RPGRIP1L: variants seen among roughly 807,000 people sequenced by gnomAD.
RPGRIP1L encodes RPGRIP1 like.
A neutral mutation model predicts 160.4 loss-of-function variants in RPGRIP1L; 131 were observed. The ratio of observed to expected loss-of-function variants is 0.82; its 90% CI spans 0.71 to 0.94. The LOEUF (loss-of-function observed/expected upper bound fraction) is 0.94. Ranked by LOEUF, RPGRIP1L falls within the 40% of genes least tolerant of loss-of-function variation. RPGRIP1L has a pLI of 0.00. For missense variants in RPGRIP1L, 1,522 were observed against 1,535.8 expected, an observed-to-expected ratio of 0.99 and a Z score of 0.15; for synonymous variants, 510 against 515.8, an observed-to-expected ratio of 0.99 and a Z score of 0.15.
At chr16:53,695,203 C>A (rs898865432) in intron 3 of RPGRIP1L, 14 of 614,628 alleles carry the variant, frequency 2.3e-5, no homozygotes, top group Non-Finnish European at 2.6e-5. Context: ...TAGCAGACTA[C>A]ATGCCTCATT....
At chr16:53,617,684 A>G (rs935552706) in intron 24 of RPGRIP1L, among the ~76,000 whole-genome samples, 2 of 152,216 alleles carry the variant, frequency 1.3e-5, no homozygotes, top group Non-Finnish European at 2.9e-5. Flanking sequence ...CTTAGTTCAC[A>G]TAACAGTAAA....
intron 24 of RPGRIP1L, among the ~76,000 whole-genome samples, chr16:53,617,673 C>CCTTA (rs1233470606): frequency 6.6e-6 from 1 of 152,052 alleles, no homozygotes; most frequent in Non-Finnish European, 1.5e-5. Context: ...AAACATCTTG[C>CCTTA]CTTAGTTCAC....
intron 25 of RPGRIP1L, among the ~76,000 whole-genome samples, chr16:53,607,217 A>G (rs1477095): frequency 0.99 from 151,501 of 152,298 alleles, 75,359 homozygotes; most frequent in Middle Eastern, 1. Flanking sequence ...GCTCTTGTGA[A>G]GATCAAATGA....
In RPGRIP1L at chr16:53,619,166, T is replaced by C. The variant is rs774549370; in HGVS notation, c.3475A>G (p.Asn1159Asp). ...IRIEIIALSL[N>D]DSQVTMDDTI... The stretch of plus-strand genomic sequence containing the variant: ...TCATCCATGGTTACTTGAGAATCAT[T>C]AAGGCTTAGAGCTATGATCTCAATC... Residue 1159 changes from asparagine (N) to aspartate (D), a missense_variant, in exon 24 of 27, where the codon AAT (asparagine) becomes GAT (aspartate). By Grantham distance (23) the Asn-to-Asp change is conservative. Coordinates refer to ENST00000647211, the MANE Select transcript of RPGRIP1L (RefSeq NM_015272.5). The C allele has an allele frequency of 3.7e-6, 6 of 1,613,978 alleles. No individual in the cohort carries two copies. Among genetic ancestry groups the C allele is most frequent in the Non-Finnish European group, 4.2e-6 (5 of 1,180,034 alleles).
Position 53,652,991 on chromosome 16 carries a change from C to T in RPGRIP1L, c.1700-4G>A, listed in dbSNP as rs1966916853. On this transcript the variant is annotated splice_region_variant and splice_polypyrimidine_tract_variant and intron_variant, in intron 14 of 26. Coordinates refer to ENST00000647211, the MANE Select transcript of RPGRIP1L (RefSeq NM_015272.5). ...TAGGCAATATCCTTTAATTGGGCTGCAAGAGAAGACACACAGTTTAGAGAT... is the reference window on the plus strand; with the variant it reads ...TAGGCAATATCCTTTAATTGGGCTGTAAGAGAAGACACACAGTTTAGAGAT... 1 of 1,605,322 alleles carries T rather than the reference C, an allele frequency of 6.2e-7. No individual in the cohort carries two copies. The highest frequency in any genetic ancestry group is 8.5e-7 in the Non-Finnish European group (1 of 1,173,396).
chr16:53,666,392 A>T (rs1161783987), intron 9 of RPGRIP1L, among the ~76,000 whole-genome samples: 1 of 152,154 alleles, frequency 6.6e-6, no homozygotes, highest in Non-Finnish European at 1.5e-5. Flanking sequence ...TGATTTTATC[A>T]AAGGTACAAT....
chr16:53,636,941 GACACACACACACACACACACACAC>G (rs34373919), intron 21 of RPGRIP1L, among the ~76,000 whole-genome samples: 1 of 142,122 alleles, frequency 7.0e-6, no homozygotes, highest in African/African-American at 2.6e-5. Context: ...TGCAATATTT[GACACACACACACACACACACACAC>G]ACACACACAC....
chr16:53,618,450 G>T (rs1257099098), intron 24 of RPGRIP1L, among the ~76,000 whole-genome samples: 1 of 152,152 alleles, frequency 6.6e-6, no homozygotes, highest in Non-Finnish European at 1.5e-5. Context: ...TATAGACCTA[G>T]CTGACATTTT....
At chr16:53,610,095 A>G (rs1963931032) in intron 25 of RPGRIP1L, among the ~76,000 whole-genome samples, 1 of 151,916 alleles carries the variant, frequency 6.6e-6, no homozygotes, top group Non-Finnish European at 1.5e-5. Flanking sequence ...GAAAAGGGGT[A>G]CTCAAGCCGA....
intron 4 of RPGRIP1L, among the ~76,000 whole-genome samples, chr16:53,688,762 G>A (rs1327159139): frequency 6.6e-6 from 1 of 151,936 alleles, no homozygotes; most frequent in East Asian, 1.9e-4. Context: ...CATATTCTCA[G>A]TAAAGAGAAA....
At chr16:53,624,693 T>C (rs532770635) in intron 22 of RPGRIP1L, among the ~76,000 whole-genome samples, 2 of 152,084 alleles carry the variant, frequency 1.3e-5, no homozygotes, top group East Asian at 3.9e-4. Flanking sequence ...GGTGGTAGGG[T>C]ACTATTATTT....
At chr16:53,640,245 G>A (rs1201421212) in intron 19 of RPGRIP1L, among the ~76,000 whole-genome samples, 1 of 152,212 alleles carries the variant, frequency 6.6e-6, no homozygotes, top group East Asian at 1.9e-4. Flanking sequence ...AATTTTGGAA[G>A]AGGGTTGGTA....
chr16:53,605,480 C>T lies in RPGRIP1L; in HGVS notation c.3835+1G>A. 6.2e-7 allele frequency: 1 copy of T among 1,614,122 alleles called. No individual in the cohort carries two copies. The highest frequency in any genetic ancestry group is 1.1e-5 in the South Asian group (1 of 91,076). ...AAACTGAGCAACACTTTCACCCATACCATCGATATTTTGCTCAATGAGGTC... is the reference window on the plus strand; with the variant it reads ...AAACTGAGCAACACTTTCACCCATATCATCGATATTTTGCTCAATGAGGTC... On this transcript the variant is annotated splice_donor_variant, in intron 26 of 26. Coordinates refer to ENST00000647211, the MANE Select transcript of RPGRIP1L (RefSeq NM_015272.5). LOFTEE classifies it high-confidence loss of function.
intron 9 of RPGRIP1L, among the ~76,000 whole-genome samples, chr16:53,669,707 T>G (rs1196569245): frequency 1.3e-5 from 2 of 152,172 alleles, no homozygotes; most frequent in East Asian, 3.8e-4. Context: ...TTAGACTGTG[T>G]AAATTATTTG....
At chr16:53,612,434 T>C (rs1964107029) in intron 24 of RPGRIP1L, among the ~76,000 whole-genome samples, 2 of 152,056 alleles carry the variant, frequency 1.3e-5, no homozygotes, top group African/African-American at 4.8e-5. Context: ...ATAGACTTCG[T>C]TTTTTAGAGG....
At chr16:53,671,121 A>C (rs1397663650) in intron 9 of RPGRIP1L, among the ~76,000 whole-genome samples, 1 of 152,088 alleles carries the variant, frequency 6.6e-6, no homozygotes, top group Non-Finnish European at 1.5e-5. Flanking sequence ...GTGCCTCTTA[A>C]TGTTACTTAA....
In RPGRIP1L at chr16:53,692,349, T is replaced by C. The variant is rs867740181; in HGVS notation, c.246A>G (p.Leu82=). The C allele has an allele frequency of 6.2e-7, 1 of 1,614,088 alleles. No homozygotes were observed. The highest frequency in any genetic ancestry group is 1.6e-4 in the Middle Eastern group (1 of 6,062). Reference sequence around the variant, plus strand: ...TTTTCTTGTCATTAACTAGCCGTATTAACTTGGTGGCCATTCTGGGGAAAT... The same window carrying C: ...TTTTCTTGTCATTAACTAGCCGTATCAACTTGGTGGCCATTCTGGGGAAAT... ...EDKIKRMATK[L]IRLVNDKKRY... is the part of the protein sequence containing the mutation. Residue 82 remains leucine, a synonymous_variant, in exon 4 of 27, where the codon TTA becomes TTG. Transcript: ENST00000647211.
chr16:53,603,467 TAC>T lies in RPGRIP1L; in HGVS notation c.3836-1281_3836-1280del, dbSNP rs1420713257. Among the ~76,000 whole-genome samples, 4 of 152,166 alleles carry T rather than the reference TAC, an allele frequency of 2.6e-5. No homozygotes were observed. The East Asian group carries it at 7.7e-4, about 29-fold the overall frequency. On this transcript the variant is annotated intron_variant, in intron 26 of 26. Transcript: ENST00000647211. ...TCTTAGCCTCCTGAGTAGCTGGGACTACAGTTGGGCACCATCATGCCCAGCTA... is the reference window on the plus strand; with the variant it reads ...TCTTAGCCTCCTGAGTAGCTGGGACTAGTTGGGCACCATCATGCCCAGCTA...
chr16:53,634,147 C>T (rs1341008232), intron 22 of RPGRIP1L, among the ~76,000 whole-genome samples: 2 of 151,342 alleles, frequency 1.3e-5, no homozygotes, highest in Non-Finnish European at 2.9e-5. Context: ...AGGAGGAATG[C>T]TGTGTTCTTA....
Sources: gnomAD v4.1 joint callset for allele counts (sites outside exome capture counted in the v4.1 genomes callset) on GRCh38, gnomAD v4.1.1 for gene constraint, MANE v1.5 for transcripts, NCBI Gene and HGNC (gene_info 2026-07-23, HGNC 2026-07-21) for gene names.